The following TACR3 variants were observed in gnomAD, a reference collection of about 807,000 sequenced individuals.
TACR3 encodes the protein neuromedin-K receptor.
A neutral mutation model predicts 35.0 loss-of-function variants in TACR3; 34 were observed. The ratio of observed to expected loss-of-function variants is 0.97; its 90% CI spans 0.74 to 1.30. The LOEUF is 1.30. TACR3 is among the 50% of genes most tolerant of loss of function. The pLI is 0.00. For synonymous variants in TACR3, 233 were observed against 221.1 expected, an observed-to-expected ratio of 1.05 and a Z score of -0.48; for missense variants, 558 against 591.7, an observed-to-expected ratio of 0.94 and a Z score of 0.59.
intron 1 of TACR3, among the ~76,000 whole-genome samples, chr4:103,699,767 T>C (rs986799964): frequency 6.6e-5 from 10 of 152,240 alleles, no homozygotes; most frequent in African/African-American, 2.4e-4. Context: ...AGTTTTGACC[T>C]GAGGCTCATA....
At chr4:103,694,371 A>G (rs1722478376) in intron 1 of TACR3, among the ~76,000 whole-genome samples, 1 of 144,322 alleles carries the variant, frequency 6.9e-6, no homozygotes, top group Non-Finnish European at 1.5e-5. Context: ...TAGTTAGTCA[A>G]CAACCCAGCC....
chr4:103,677,209 A>G (rs1560527237), intron 1 of TACR3, among the ~76,000 whole-genome samples: 1 of 152,174 alleles, frequency 6.6e-6, no homozygotes, highest in Non-Finnish European at 1.5e-5. Context: ...TCAAAAAGCA[A>G]CAGATGCTGG....
intron 1 of TACR3, among the ~76,000 whole-genome samples, chr4:103,695,711 C>CTCTCTGTGTGTG (rs142176586): frequency 8.2e-5 from 12 of 146,094 alleles, no homozygotes; most frequent in African/African-American, 2.5e-4. Flanking sequence ...GTCTCTCTCT[C>CTCTCTGTGTGTG]TGTGTGTGTG....
chr4:103,640,681 T>C (rs1356488886), intron 3 of TACR3, among the ~76,000 whole-genome samples: 1 of 151,962 alleles, frequency 6.6e-6, no homozygotes, highest in Non-Finnish European at 1.5e-5. Context: ...TGGCCCAGGA[T>C]GGCTTTGAAT....
intron 3 of TACR3, among the ~76,000 whole-genome samples, chr4:103,611,871 T>TTCAA (rs1265872521): frequency 6.6e-6 from 1 of 152,150 alleles, no homozygotes; most frequent in African/African-American, 2.4e-5. Context: ...CACTGCCCCA[T>TTCAA]TCAATCACTT....
chr4:103,710,923 C>T (rs1722937349), intron 1 of TACR3, among the ~76,000 whole-genome samples: 2 of 152,002 alleles, frequency 1.3e-5, no homozygotes, highest in East Asian at 1.9e-4. Flanking sequence ...ACACATACAC[C>T]CTCCCAAGAC....
At chr4:103,689,680 C>A (rs1560532714) in intron 1 of TACR3, among the ~76,000 whole-genome samples, 1 of 151,896 alleles carries the variant, frequency 6.6e-6, no homozygotes. Context: ...GACAAATGAA[C>A]AAAGCCTAAG....
chr4:103,683,013 T>C lies in TACR3; in HGVS notation c.549-24610A>G, dbSNP rs150065236. 3.7e-3 allele frequency among the ~76,000 whole-genome samples: 562 copies of C among 152,246 alleles called. 2 individuals carry two copies. The highest frequency in any genetic ancestry group is 0.013 in the African/African-American group (547 of 41,556). Reference sequence around the variant, plus strand: ...CGTTTTATTGGTTAGATGCAAATCATAGGTCCAGTCTTTACTCAATGGGAG... The same window carrying C: ...CGTTTTATTGGTTAGATGCAAATCACAGGTCCAGTCTTTACTCAATGGGAG... On this transcript the variant is annotated intron_variant, in intron 1 of 4. Coordinates refer to ENST00000304883, the MANE Select transcript of TACR3 (RefSeq NM_001059.3).
At chr4:103,704,129 A>G (rs1190550818) in intron 1 of TACR3, among the ~76,000 whole-genome samples, 1 of 150,274 alleles carries the variant, frequency 6.7e-6, no homozygotes, top group African/African-American at 2.5e-5. Context: ...AAAAAAAAAA[A>G]AAAAAGAAAG....
At chr4:103,659,124 A>G (rs983956563) in intron 1 of TACR3, among the ~76,000 whole-genome samples, 1 of 152,152 alleles carries the variant, frequency 6.6e-6, no homozygotes, top group Non-Finnish European at 1.5e-5. Context: ...GCACTGGGGA[A>G]TGGCAGTAAA....
At chr4:103,674,264 G>A (rs897813906) in intron 1 of TACR3, among the ~76,000 whole-genome samples, 1 of 151,646 alleles carries the variant, frequency 6.6e-6, no homozygotes, top group East Asian at 1.9e-4. Flanking sequence ...ATGACTCACA[G>A]CTAGCTATCC....
chr4:103,686,864 GA>G (rs1446980770), intron 1 of TACR3, among the ~76,000 whole-genome samples: 14 of 152,036 alleles, frequency 9.2e-5, no homozygotes, highest in African/African-American at 3.4e-4. Context: ...CCAATCAATA[GA>G]AAAAGAGGGA....
At chr4:103,595,579 C>T (rs887149826) in intron 3 of TACR3, among the ~76,000 whole-genome samples, 22 of 152,016 alleles carry the variant, frequency 1.4e-4, no homozygotes, top group African/African-American at 5.3e-4. Flanking sequence ...GAAATGCCTA[C>T]AGTTGTTCTT....
intron 3 of TACR3, among the ~76,000 whole-genome samples, chr4:103,599,368 G>T (rs1267709057): frequency 1.3e-5 from 2 of 152,146 alleles, no homozygotes; most frequent in African/African-American, 2.4e-5. Flanking sequence ...AGACAATGGG[G>T]TTTTCTAGAT....
intron 1 of TACR3, among the ~76,000 whole-genome samples, chr4:103,695,159 A>T (rs1464164216): frequency 1.3e-5 from 2 of 152,182 alleles, no homozygotes; most frequent in Non-Finnish European, 2.9e-5. Context: ...AATAACTGGT[A>T]TACTTTTACC....
chr4:103,658,173 T>C (rs2110330514), intron 2 of TACR3, 42 bp downstream of exon 2: 1 of 1,591,472 alleles, frequency 6.3e-7, no homozygotes, highest in East Asian at 2.2e-5. Context: ...TCCTAAATGT[T>C]TGATAAACTG....
intron 3 of TACR3, among the ~76,000 whole-genome samples, chr4:103,614,912 T>TTTTG (rs1724606006): frequency 7.6e-6 from 1 of 132,052 alleles, no homozygotes; most frequent in Non-Finnish European, 1.6e-5. Context: ...TTTTTTTTTT[T>TTTTG]GAGACAGAGT....
At chr4:103,690,958 A>G (rs937723784) in intron 1 of TACR3, among the ~76,000 whole-genome samples, 5 of 152,224 alleles carry the variant, frequency 3.3e-5, no homozygotes, top group African/African-American at 1.2e-4. Flanking sequence ...CAACTAAAAA[A>G]TAAATTTGAA....
chr4:103,628,511 C>A (rs1000045129), intron 3 of TACR3, among the ~76,000 whole-genome samples: 1 of 152,094 alleles, frequency 6.6e-6, no homozygotes, highest in African/African-American at 2.4e-5. Flanking sequence ...TCAGAGAATA[C>A]TATAAACAAC....
Sources: allele counts gnomAD v4.1 joint callset (sites outside exome capture counted in the v4.1 genomes callset), GRCh38; gene constraint gnomAD v4.1.1; transcripts MANE v1.5; gene names NCBI Gene and HGNC (gene_info 2026-07-23, HGNC 2026-07-21).